The following RAB40C variants were observed in gnomAD, a reference collection of about 807,000 sequenced individuals.
RAB40C encodes ras-related protein Rab-40C.
In RAB40C, 8 loss-of-function variants were observed where a neutral mutation model predicts 28.1. The ratio of observed to expected loss-of-function variants is 0.28; its 90% CI spans 0.17 to 0.51. The LOEUF (loss-of-function observed/expected upper bound fraction) is 0.51, where lower values mean the gene tolerates loss of function less well. RAB40C is among the 20% of genes least tolerant of loss of function. RAB40C has a pLI of 0.97. For missense variants in RAB40C, 288 were observed against 405.9 expected (o/e 0.71, Z 2.50); for synonymous variants, 201 against 171.7 (o/e 1.17, Z -1.34).
chr16:606,924 A>G (rs1458791783), intron 1 of RAB40C, among the ~76,000 whole-genome samples: 1 of 152,060 alleles, frequency 6.6e-6, no homozygotes, highest in Non-Finnish European at 1.5e-5. Context: ...CATGCTAGCA[A>G]CTCAGCAGCA....
Position 595,809 on chromosome 16 carries a change from G to T in RAB40C, c.142+5376G>T, listed in dbSNP as rs556000039. Among the ~76,000 whole-genome samples, 4 of 152,174 alleles carry T rather than the reference G, an allele frequency of 2.6e-5. No homozygotes were observed. The South Asian group carries it at 8.3e-4, about 32-fold the overall frequency. On this transcript the variant is annotated intron_variant, in intron 1 of 5. Coordinates refer to ENST00000248139, the MANE Select transcript of RAB40C (RefSeq NM_021168.5). Reference sequence around the variant, plus strand: ...GTAGAGATGGGGTTTCACTGTGTTGGCCAGGCTGGTCTTGAACTGCTGACC... The same window carrying T: ...GTAGAGATGGGGTTTCACTGTGTTGTCCAGGCTGGTCTTGAACTGCTGACC...
rs879379078 is a variant in RAB40C at position 628,296 on chromosome 16, C to T, written c.*674C>T. 3.3e-5 allele frequency: 5 copies of T among 152,308 alleles called. No individual in the cohort carries two copies. The highest frequency in any genetic ancestry group is 7.3e-5 in the Non-Finnish European group (5 of 68,138). The allele number at this position is 152,308 out of a possible 1,614,324, so 9.4% of individuals were successfully genotyped here. ...CATTTTTGTTGCTCCCCAAATCCCT[C>T]CCCACGTGGGGATGAGAACCTTCCT... On this transcript the variant is annotated 3_prime_UTR_variant, in exon 6 of 6. Coordinates refer to ENST00000248139, the MANE Select transcript of RAB40C (RefSeq NM_021168.5).
At position 627,771 on chromosome 16, in the gene RAB40C, G is replaced by C. The variant is rs1030280419; in HGVS notation, c.*149G>C. 1.9e-6 allele frequency: 2 copies of C among 1,050,436 alleles called. No individual in the cohort carries two copies. The highest frequency in any genetic ancestry group is 3.1e-5 in the Admixed American group (1 of 31,802). The allele number at this position is 1,050,436 out of a possible 1,614,324, so 65.1% of individuals were successfully genotyped here. A position where few individuals can be genotyped will look rare whatever the true frequency, so the allele number is the denominator to read the frequency against. ...CTTTCCTCACACCTGAGCCGGGTGC[G>C]AGGAGGAGCATGCACGGACCAAGCG... On this transcript the variant is annotated 3_prime_UTR_variant, in exon 6 of 6. Transcript: ENST00000248139.
chr16:622,035 A>C (rs1022157399), intron 3 of RAB40C, among the ~76,000 whole-genome samples: 2 of 152,116 alleles, frequency 1.3e-5, no homozygotes, highest in African/African-American at 2.4e-5. Context: ...CGCTGGCTGT[A>C]CCTTGGGAGC....
intron 1 of RAB40C, among the ~76,000 whole-genome samples, chr16:614,997 C>T (rs1373581974): frequency 2.0e-5 from 3 of 152,368 alleles, no homozygotes; most frequent in Middle Eastern, 3.4e-3. Context: ...CTGCTCACAG[C>T]CGTGGCCCTT....
At chr16:601,814 G>GT (rs1596401878) in intron 1 of RAB40C, among the ~76,000 whole-genome samples, 1 of 8,438 alleles carries the variant, frequency 1.2e-4, no homozygotes, top group East Asian at 3.3e-3. Context: ...GCAAAAAAAA[G>GT]TAAAAAAAAA....
intron 1 of RAB40C, among the ~76,000 whole-genome samples, chr16:595,173 T>G (rs1044679913): frequency 6.6e-6 from 1 of 152,278 alleles, no homozygotes; most frequent in East Asian, 1.9e-4. Context: ...AACGGGGTGT[T>G]CACCATGGCA....
Position 590,438 on chromosome 16 carries a change from G to A in RAB40C, c.142+5G>A. On this transcript the variant is annotated splice_donor_5th_base_variant and intron_variant, in intron 1 of 5. Transcript: ENST00000248139. ...CCCCGTACGCCTACAGTAACGGTAA[G>A]GCCCGGCCCGCGGCGCGCGCTGCTA... is the stretch of plus-strand genomic sequence containing the variant. The A allele has an allele frequency of 6.3e-7, 1 of 1,577,356 alleles. No individual in the cohort carries two copies. Among genetic ancestry groups the A allele is most frequent in the South Asian group, 1.1e-5 (1 of 87,356 alleles).
Position 628,153 on chromosome 16 carries a change from C to T in RAB40C, c.*531C>T, listed in dbSNP as rs2036880980. On this transcript the variant is annotated 3_prime_UTR_variant, in exon 6 of 6. Coordinates refer to ENST00000248139, the MANE Select transcript of RAB40C (RefSeq NM_021168.5). The stretch of plus-strand genomic sequence containing the variant: ...GGGGGAGCAGACAGGGCCGGTGCTC[C>T]CTCTGGAAGCTTGGGTGACCGGGGC... 1 of 152,730 alleles carries T rather than the reference C, an allele frequency of 6.5e-6. No homozygotes were observed. The highest frequency in any genetic ancestry group is 6.5e-5 in the Admixed American group (1 of 15,310). The allele number at this position is 152,730 out of a possible 1,614,324, so 9.5% of individuals were successfully genotyped here.
chr16:591,515 T>TCAA (rs1198176784), intron 1 of RAB40C, among the ~76,000 whole-genome samples: 1 of 152,076 alleles, frequency 6.6e-6, no homozygotes. Flanking sequence ...GCTGAGGGAG[T>TCAA]CAACGCTTTG....
At chr16:623,195 G>A (rs1229192119) in intron 3 of RAB40C, among the ~76,000 whole-genome samples, 1 of 152,218 alleles carries the variant, frequency 6.6e-6, no homozygotes, top group Non-Finnish European at 1.5e-5. Flanking sequence ...CGGGCCTTCT[G>A]CTCTCTTTCT....
At chr16:624,058 A>G in intron 3 of RAB40C, 2 of 985,444 alleles carry the variant, frequency 2.0e-6, no homozygotes, top group Non-Finnish European at 2.4e-6. Context: ...CAGCATCTGC[A>G]CGGTACATTT....
chr16:618,531 A>G (rs902258882), intron 3 of RAB40C, among the ~76,000 whole-genome samples: 6 of 152,362 alleles, frequency 3.9e-5, no homozygotes, highest in Admixed American at 3.9e-4. Flanking sequence ...CTGGGAGTAC[A>G]GGCGCAGTGG....
intron 1 of RAB40C, chr16:616,940 G>C (rs1367497707): frequency 4.2e-6 from 2 of 471,994 alleles, no homozygotes; most frequent in South Asian, 2.5e-5. Flanking sequence ...CTGCTAGGCT[G>C]TGGGGCCCGA....
At position 618,199 on chromosome 16, in the gene RAB40C, G is replaced by C; in HGVS notation, c.204-1G>C. The C allele has an allele frequency of 6.2e-7, 1 of 1,613,258 alleles. No individual in the cohort carries two copies. Among genetic ancestry groups the C allele is most frequent in the Non-Finnish European group, 8.5e-7 (1 of 1,179,820 alleles). On this transcript the variant is annotated splice_acceptor_variant, in intron 2 of 5. Transcript: ENST00000248139. LOFTEE classifies it high-confidence loss of function. The stretch of plus-strand genomic sequence containing the variant: ...GCCCCTCCCCTCCCCGTATGTTTCA[G>C]GGACACGTCGGGCCAGGGCCGGTTC...
At chr16:600,941 G>A (rs1374983603) in intron 1 of RAB40C, among the ~76,000 whole-genome samples, 1 of 152,228 alleles carries the variant, frequency 6.6e-6, no homozygotes, top group Non-Finnish European at 1.5e-5. Flanking sequence ...TGGCAGCTGC[G>A]TGAGGCTCTC....
chr16:627,910 G>T lies in RAB40C; in HGVS notation c.*288G>T. 4.7e-6 allele frequency: 2 copies of T among 429,438 alleles called. No individual in the cohort carries two copies. Among genetic ancestry groups the T allele is most frequent in the South Asian group, 6.2e-5 (1 of 16,166 alleles). The allele number at this position is 429,438 out of a possible 1,614,324, so 26.6% of individuals were successfully genotyped here. A position where few individuals can be genotyped will look rare whatever the true frequency, so the allele number is the denominator to read the frequency against. ...GCTTGACCGGCGGGGAGCCTGGTTG[G>T]CCTTTCTTATTTATATAGAGAACAC... On this transcript the variant is annotated 3_prime_UTR_variant, in exon 6 of 6. Transcript: ENST00000248139.
At chr16:623,466 G>C (rs566827791) in intron 3 of RAB40C, among the ~76,000 whole-genome samples, 1 of 151,590 alleles carries the variant, frequency 6.6e-6, no homozygotes, top group African/African-American at 2.4e-5. Context: ...TGGCTAACAC[G>C]GTGAAACCCT....
At chr16:609,007 C>G (rs2036424646) in intron 1 of RAB40C, among the ~76,000 whole-genome samples, 1 of 152,142 alleles carries the variant, frequency 6.6e-6, no homozygotes, top group African/African-American at 2.4e-5. Context: ...CCCAGCTACT[C>G]AGGAGGCTGA....
Sources: gnomAD v4.1 joint callset for allele counts (sites outside exome capture counted in the v4.1 genomes callset) on GRCh38, gnomAD v4.1.1 for gene constraint, MANE v1.5 for transcripts, NCBI Gene and HGNC (gene_info 2026-07-23, HGNC 2026-07-21) for gene names.